The following ASAP1 variants were observed in gnomAD, a reference collection of about 807,000 sequenced individuals.
ASAP1 encodes the protein ArfGAP with SH3 domain, ankyrin repeat and PH domain 1.
A neutral mutation model predicts 145.2 loss-of-function variants in ASAP1; 43 were observed. The observed-to-expected ratio is 0.30, with a 90% CI of 0.23 to 0.38. ASAP1 has a LOEUF of 0.38. Among genes scored for constraint, ASAP1 ranks in the 10% least tolerant of loss-of-function variants. ASAP1 has a pLI of 1.00. For missense variants in ASAP1, 1,018 were observed against 1,355.3 expected, an observed-to-expected ratio of 0.75 and a Z score of 3.91; for synonymous variants, 546 against 515.5, an observed-to-expected ratio of 1.06 and a Z score of -0.80.
intron 9 of ASAP1, among the ~76,000 whole-genome samples, chr8:130,173,839 G>A (rs1040225779): frequency 2.0e-5 from 3 of 150,922 alleles, no homozygotes; most frequent in Non-Finnish European, 3.0e-5. Context: ...TTGGGAGGCC[G>A]AGATGGGTAG....
chr8:130,127,818 A>G (rs1184925782), intron 16 of ASAP1, 109 bp downstream of exon 16: 10 of 1,217,692 alleles, frequency 8.2e-6, no homozygotes, highest in Non-Finnish European at 1.1e-5. Flanking sequence ...TTGTGTGTGT[A>G]TGTGAGTGTG....
chr8:130,077,200 G>T (rs1302496379), intron 26 of ASAP1, among the ~76,000 whole-genome samples: 31 of 152,204 alleles, frequency 2.0e-4, no homozygotes, highest in Admixed American at 1.9e-3. Flanking sequence ...GGGCCTCCAG[G>T]CTCTCCTAGG....
At chr8:130,089,600 C>A (rs1210005473) in intron 25 of ASAP1, among the ~76,000 whole-genome samples, 1 of 152,160 alleles carries the variant, frequency 6.6e-6, no homozygotes, top group Non-Finnish European at 1.5e-5. Context: ...CTGGGCCCTG[C>A]CTTTGGCTTC....
At chr8:130,316,250 A>T (rs1823655727) in intron 3 of ASAP1, among the ~76,000 whole-genome samples, 1 of 152,144 alleles carries the variant, frequency 6.6e-6, no homozygotes, top group South Asian at 2.1e-4. Context: ...TACTTCAATA[A>T]CTTTTCCATC....
intron 15 of ASAP1, among the ~76,000 whole-genome samples, chr8:130,131,489 C>T (rs1462252260): frequency 6.7e-6 from 1 of 150,340 alleles, no homozygotes; most frequent in African/African-American, 2.5e-5. Flanking sequence ...GCAGGCTGGG[C>T]ACTATAGCTC....
chr8:130,263,304 G>C (rs1820051077), intron 3 of ASAP1, among the ~76,000 whole-genome samples: 1 of 152,050 alleles, frequency 6.6e-6, no homozygotes, highest in Admixed American at 6.6e-5. Context: ...AGATGAGCTG[G>C]GCCAGTCAGA....
intron 3 of ASAP1, among the ~76,000 whole-genome samples, chr8:130,342,710 T>C (rs1825461858): frequency 6.6e-6 from 1 of 152,008 alleles, no homozygotes; most frequent in Admixed American, 6.5e-5. Context: ...AAGGACAAAA[T>C]GTGAAATATA....
At chr8:130,355,715 A>G (rs750843095) in intron 3 of ASAP1, among the ~76,000 whole-genome samples, 1 of 152,234 alleles carries the variant, frequency 6.6e-6, no homozygotes, top group African/African-American at 2.4e-5. Flanking sequence ...CACTACTTCC[A>G]CATATGTAAG....
intron 26 of ASAP1, among the ~76,000 whole-genome samples, chr8:130,076,856 A>G (rs1209491836): frequency 1.3e-5 from 2 of 152,164 alleles, no homozygotes; most frequent in African/African-American, 2.4e-5. Flanking sequence ...TCTATTTTCC[A>G]TATTTCAGTT....
At chr8:130,058,280 C>G (rs796150422) in intron 28 of ASAP1, among the ~76,000 whole-genome samples, 35 of 152,302 alleles carry the variant, frequency 2.3e-4, no homozygotes, top group African/African-American at 6.3e-4. Context: ...TCCTCTCCCC[C>G]CATCATCAGG....
chr8:130,393,491 C>G (rs1434263321), intron 2 of ASAP1, among the ~76,000 whole-genome samples: 3 of 152,234 alleles, frequency 2.0e-5, no homozygotes, highest in Non-Finnish European at 4.4e-5. Flanking sequence ...CACAGTGGCT[C>G]ATGCCTGTAG....
At chr8:130,287,956 G>C (rs150243927) in intron 3 of ASAP1, among the ~76,000 whole-genome samples, 131 of 152,174 alleles carry the variant, frequency 8.6e-4, no homozygotes, top group African/African-American at 3.1e-3. Context: ...CTCTTCCCCA[G>C]GCTTGTCCTT....
Position 130,112,148 on chromosome 8 carries a change from G to A in ASAP1, c.2347C>T (p.Pro783Ser). Residue 783 changes from proline to serine, a missense_variant, in exon 24 of 30, where the codon CCC (proline) becomes TCC (serine). Pro to Ser is a moderately conservative substitution (Grantham distance 74). Transcript: ENST00000518721. ...QIFVSTSTDS[P>S]TSPTTEAPPL... ...GGAGCCTCCGTGGTTGGTGATGTGGGCGAGTCTGTGCTTGTGGAAACGAAG... is the reference window on the plus strand; with the variant it reads ...GGAGCCTCCGTGGTTGGTGATGTGGACGAGTCTGTGCTTGTGGAAACGAAG... The A allele has an allele frequency of 6.2e-7, 1 of 1,614,170 alleles. No individual in the cohort carries two copies. The highest frequency in any genetic ancestry group is 8.5e-7 in the Non-Finnish European group (1 of 1,180,028).
At chr8:130,076,264 A>T in intron 27 of ASAP1, 84 bp downstream of exon 27, 1 of 950,338 alleles carries the variant, frequency 1.1e-6, no homozygotes, top group Non-Finnish European at 1.6e-6. Flanking sequence ...TGGATCAATG[A>T]ACAAGGGAGA....
chr8:130,333,330 G>C (rs961822190), intron 3 of ASAP1, among the ~76,000 whole-genome samples: 1 of 151,916 alleles, frequency 6.6e-6, no homozygotes, highest in Non-Finnish European at 1.5e-5. Flanking sequence ...GGCTGGGCGC[G>C]GTGGCTCACG....
intron 13 of ASAP1, among the ~76,000 whole-genome samples, chr8:130,150,992 A>C (rs957169738): frequency 2.6e-5 from 4 of 152,236 alleles, no homozygotes; most frequent in African/African-American, 7.2e-5. Flanking sequence ...GGAATTAAAT[A>C]TAAGAAAATA....
chr8:130,290,774 T>C (rs1026339570), intron 3 of ASAP1, among the ~76,000 whole-genome samples: 2 of 152,368 alleles, frequency 1.3e-5, no homozygotes, highest in Middle Eastern at 3.4e-3. Context: ...ATAATGATGA[T>C]ACTCCTCCTT....
At chr8:130,117,049 T>C (rs758110991) in intron 20 of ASAP1, 54 bp from the exon 21 acceptor site, 22 of 1,281,650 alleles carry the variant, frequency 1.7e-5, no homozygotes, top group Non-Finnish European at 2.4e-5. Context: ...AACTTAAAAC[T>C]ATAGATTAGC....
chr8:130,324,329 G>C (rs1017977754), intron 3 of ASAP1, among the ~76,000 whole-genome samples: 1 of 152,202 alleles, frequency 6.6e-6, no homozygotes, highest in Non-Finnish European at 1.5e-5. Flanking sequence ...GGAAACAGCA[G>C]GTCTGGGAGT....
Sources: gnomAD v4.1 joint callset for allele counts (sites outside exome capture counted in the v4.1 genomes callset) on GRCh38, gnomAD v4.1.1 for gene constraint, MANE v1.5 for transcripts, NCBI Gene and HGNC (gene_info 2026-07-23, HGNC 2026-07-21) for gene names.